Variants in MYBPC1 observed in about 807,000 individuals in gnomAD.
MYBPC1 encodes myosin binding protein C1, also known as myosin-binding protein C, slow-type.
In MYBPC1, 52 loss-of-function variants were observed where a neutral mutation model predicts 147.1. The ratio of observed to expected loss-of-function variants is 0.35; its 90% CI spans 0.28 to 0.45. The LOEUF is 0.45. Among genes scored for constraint, MYBPC1 ranks in the 20% least tolerant of loss-of-function variants. MYBPC1 has a pLI of 1.00. For missense variants in MYBPC1, 1,228 were observed against 1,440.3 expected, an observed-to-expected ratio of 0.85 and a Z score of 2.39; for synonymous variants, 477 against 475.9, an observed-to-expected ratio of 1.00 and a Z score of -0.03.
At chr12:101,659,648 A>G (rs1260825821) in intron 18 of MYBPC1, 24 bp from the exon 19 acceptor site, 3 of 1,613,834 alleles carry the variant, frequency 1.9e-6, no homozygotes, top group African/African-American at 2.7e-5. Flanking sequence ...AAATCATGCC[A>G]CATTTTGTTT....
chr12:101,621,062 T>TA (rs1887258249), intron 3 of MYBPC1, among the ~76,000 whole-genome samples: 5 of 152,140 alleles, frequency 3.3e-5, no homozygotes, highest in Non-Finnish European at 5.9e-5. Flanking sequence ...TGTTTTAAAT[T>TA]TAAAAAAATG....
intron 1 of MYBPC1, among the ~76,000 whole-genome samples, chr12:101,607,079 C>A (rs1305044996): frequency 6.6e-6 from 1 of 152,134 alleles, no homozygotes. Flanking sequence ...GATCTGCCCC[C>A]CAAAGTGCTG....
At chr12:101,609,810 T>C (rs1471588590) in intron 1 of MYBPC1, among the ~76,000 whole-genome samples, 2 of 152,258 alleles carry the variant, frequency 1.3e-5, no homozygotes, top group African/African-American at 4.8e-5. Context: ...TAACCACTTT[T>C]ATAACCTCTT....
At chr12:101,662,314 A>G (rs1236324673) in intron 20 of MYBPC1, 44 bp from the exon 21 acceptor site, 1 of 1,600,316 alleles carries the variant, frequency 6.2e-7, no homozygotes, top group Non-Finnish European at 8.5e-7. Context: ...GTTTAATTTC[A>G]GAGACCAAGG....
chr12:101,662,878 G>T (rs6539003), intron 21 of MYBPC1, among the ~76,000 whole-genome samples: 2 of 151,958 alleles, frequency 1.3e-5, no homozygotes, highest in Non-Finnish European at 2.9e-5. Flanking sequence ...GTATTAACCT[G>T]TTAATATAAC....
chr12:101,619,527 T>C (rs1167297041), intron 3 of MYBPC1, among the ~76,000 whole-genome samples: 1 of 152,244 alleles, frequency 6.6e-6, no homozygotes, highest in South Asian at 2.1e-4. Context: ...TGAATTTCCA[T>C]GCTGGCTTAG....
chr12:101,660,585 G>A (rs1896345400), intron 19 of MYBPC1: 1 of 160,624 alleles, frequency 6.2e-6, no homozygotes, highest in Non-Finnish European at 1.4e-5. Context: ...TTTCGGGCAA[G>A]GGGTGGGCTC....
intron 1 of MYBPC1, among the ~76,000 whole-genome samples, chr12:101,604,569 T>C (rs1881396322): frequency 6.6e-6 from 1 of 152,230 alleles, no homozygotes; most frequent in Non-Finnish European, 1.5e-5. Context: ...AGAAACATTC[T>C]TAAAATGTAA....
intron 16 of MYBPC1, among the ~76,000 whole-genome samples, chr12:101,652,011 G>C (rs1159192128): frequency 6.6e-6 from 1 of 152,160 alleles, no homozygotes. Context: ...TGGATTAACC[G>C]TCTCTAACCA....
At chr12:101,660,112 A>G in intron 19 of MYBPC1, 1 of 421,702 alleles carries the variant, frequency 2.4e-6, no homozygotes, top group Non-Finnish European at 4.3e-6. Context: ...CAATCATTAC[A>G]GAGGGATTAG....
At chr12:101,645,233 T>G (rs11110908) in intron 12 of MYBPC1, among the ~76,000 whole-genome samples, 4,018 of 152,350 alleles carry the variant, frequency 0.026, 258 homozygotes, top group East Asian at 0.25. Context: ...CTATTTTCAA[T>G]TCAGGTACTG....
intron 28 of MYBPC1, among the ~76,000 whole-genome samples, chr12:101,679,741 A>T (rs139103976): frequency 6.6e-6 from 1 of 152,312 alleles, no homozygotes; most frequent in East Asian, 1.9e-4. Flanking sequence ...ATAAAGAATT[A>T]AAAAACAGTA....
chr12:101,636,691 G>T lies in MYBPC1; in HGVS notation c.628G>T (p.Ala210Ser). The T allele has an allele frequency of 6.2e-7, 1 of 1,613,712 alleles. No homozygotes were observed. The highest frequency in any genetic ancestry group is 8.5e-7 in the Non-Finnish European group (1 of 1,179,650). The change falls in exon 10 of 32, where the codon GCA (alanine) becomes TCA (serine). Residue 210 changes from alanine to serine, a missense_variant. By Grantham distance (99) the Ala-to-Ser change is moderately conservative. Coordinates refer to ENST00000361466, the MANE Select transcript of MYBPC1 (RefSeq NM_002465.4). ...FKRSGEGQEDAGELDFSGLLK... is the reference protein window; with the variant it reads ...FKRSGEGQEDSGELDFSGLLK... ...CGACAGTGGAGAAGGTCAAGAGGATGCAGGAGAACTTGACTTTAGTGGTCT... is the reference window on the plus strand; with the variant it reads ...CGACAGTGGAGAAGGTCAAGAGGATTCAGGAGAACTTGACTTTAGTGGTCT...
At chr12:101,639,449 G>T (rs1031079648) in intron 10 of MYBPC1, among the ~76,000 whole-genome samples, 1 of 152,204 alleles carries the variant, frequency 6.6e-6, no homozygotes, top group African/African-American at 2.4e-5. Context: ...TGAGAGCCTT[G>T]ACCTCACATT....
intron 18 of MYBPC1, among the ~76,000 whole-genome samples, chr12:101,656,997 C>G (rs1340060244): frequency 1.3e-5 from 2 of 152,086 alleles, no homozygotes; most frequent in Admixed American, 6.5e-5. Context: ...CATATAATAT[C>G]TGCTCTCAGG....
intron 6 of MYBPC1, among the ~76,000 whole-genome samples, chr12:101,630,190 A>G (rs1311648690): frequency 6.6e-6 from 1 of 152,176 alleles, no homozygotes; most frequent in South Asian, 2.1e-4. Flanking sequence ...AATGTTTCCA[A>G]AGTTCATCCA....
chr12:101,662,859 C>T (rs1896801772), intron 21 of MYBPC1, among the ~76,000 whole-genome samples: 1 of 152,120 alleles, frequency 6.6e-6, no homozygotes, highest in Non-Finnish European at 1.5e-5. Context: ...TCCATTTGCC[C>T]TTCTGAAGGT....
At chr12:101,691,527 G>A in the MYBPC1 span, among the ~76,000 whole-genome samples, 1 of 152,236 alleles carries the variant, frequency 6.6e-6, no homozygotes, top group African/African-American at 2.4e-5. Context: ...GATTGAGGAT[G>A]TTAAGGAAGA....
rs1877627263 is a variant in MYBPC1 at position 101,597,185 on chromosome 12, T to C, written c.25+2090T>C. On this transcript the variant is annotated intron_variant, in intron 1 of 31. Coordinates refer to ENST00000361466, the MANE Select transcript of MYBPC1 (RefSeq NM_002465.4). ...TTCATTTTCACTGGGGTTAGTTTGA[T>C]TGCATATAAGCCTCCCTCTGAAAAA... Among the ~76,000 whole-genome samples, 3 of 152,224 alleles carry C rather than the reference T, an allele frequency of 2.0e-5. No homozygotes were observed. In the South Asian group the frequency reaches 6.2e-4, roughly 32 times the overall value.
Sources: gnomAD v4.1 joint callset for allele counts (sites outside exome capture counted in the v4.1 genomes callset) on GRCh38, gnomAD v4.1.1 for gene constraint, MANE v1.5 for transcripts, NCBI Gene and HGNC (gene_info 2026-07-23, HGNC 2026-07-21) for gene names.